Variants in SSBP3 observed in about 807,000 individuals in gnomAD.
SSBP3 encodes single-stranded DNA-binding protein 3.
A neutral mutation model predicts 69.6 loss-of-function variants in SSBP3; 5 were observed. The observed-to-expected ratio is 0.07, with a 90% CI of 0.04 to 0.15. SSBP3 has a LOEUF of 0.15. Among genes scored for constraint, SSBP3 ranks in the 10% least tolerant of loss-of-function variants. SSBP3 has a pLI of 1.00. For missense variants in SSBP3, 312 were observed against 534.0 expected, an observed-to-expected ratio of 0.58 and a Z score of 4.10; for synonymous variants, 196 against 193.4, an observed-to-expected ratio of 1.01 and a Z score of -0.11.
intron 5 of SSBP3, among the ~76,000 whole-genome samples, chr1:54,262,339 C>G (rs915257222): frequency 6.6e-6 from 1 of 152,190 alleles, no homozygotes; most frequent in African/African-American, 2.4e-5. Context: ...ATGTCTGATT[C>G]TAGAGTCTAA....
chr1:54,327,242 AAGGAAG>A (rs1646324574), intron 4 of SSBP3, among the ~76,000 whole-genome samples: 2 of 151,152 alleles, frequency 1.3e-5, no homozygotes, highest in African/African-American at 4.9e-5. Flanking sequence ...GGAAGGAAGG[AAGGAAG>A]GAAGGAAGGA....
At chr1:54,371,141 A>G (rs555610982) in intron 4 of SSBP3, among the ~76,000 whole-genome samples, 1 of 152,330 alleles carries the variant, frequency 6.6e-6, no homozygotes, top group South Asian at 2.1e-4. Context: ...AGCTACAGAC[A>G]CTTGTTCCAC....
chr1:54,343,949 G>GA (rs1180727586), intron 4 of SSBP3, among the ~76,000 whole-genome samples: 3 of 152,166 alleles, frequency 2.0e-5, no homozygotes, highest in Admixed American at 1.3e-4. Context: ...TGCAACTCAA[G>GA]AAACTGAGGA....
At chr1:54,347,547 G>T (rs1411726929) in intron 4 of SSBP3, among the ~76,000 whole-genome samples, 1 of 152,136 alleles carries the variant, frequency 6.6e-6, no homozygotes, top group Non-Finnish European at 1.5e-5. Context: ...TTTGATTACT[G>T]AATCCGCAAA....
At position 54,240,067 on chromosome 1, in the gene SSBP3, TGTGTGTGTGTGTGTGTGTGTGCGCGC is replaced by T. The variant is rs1557448340; in HGVS notation, c.856+812_856+837del. On this transcript the variant is annotated intron_variant, in intron 13 of 17. Transcript: ENST00000610401. ...GATGGGGTGTGTGTGTGTGTGTGTG[TGTGTGTGTGTGTGTGTGTGTGCGCGC>T]GCGCGCGTGTGCGTGCGCGCGCGCG... 1.7e-3 allele frequency among the ~76,000 whole-genome samples: 50 copies of T among 29,114 alleles called. 1 individual carries two copies. Among genetic ancestry groups the T allele is most frequent in the African/African-American group, 4.3e-3 (33 of 7,604 alleles). 19.1% of individuals were successfully genotyped at this position (29,114 alleles called of 152,430 possible).
intron 4 of SSBP3, among the ~76,000 whole-genome samples, chr1:54,391,687 C>G (rs905024170): frequency 1.3e-5 from 2 of 152,206 alleles, no homozygotes; most frequent in Non-Finnish European, 2.9e-5. Flanking sequence ...GCGCTTCACC[C>G]AAACACACAA....
At chr1:54,254,984 C>G (rs1316610887) in intron 7 of SSBP3, among the ~76,000 whole-genome samples, 1 of 152,148 alleles carries the variant, frequency 6.6e-6, no homozygotes, top group East Asian at 1.9e-4. Context: ...AGGCACACGC[C>G]AGCATGCCTG....
At chr1:54,293,165 T>G (rs1168882681) in intron 4 of SSBP3, among the ~76,000 whole-genome samples, 1 of 151,782 alleles carries the variant, frequency 6.6e-6, no homozygotes, top group Non-Finnish European at 1.5e-5. Context: ...TCACTACAGA[T>G]TATTTGTTGG....
At chr1:54,360,752 G>C (rs778168424) in intron 4 of SSBP3, among the ~76,000 whole-genome samples, 1 of 152,132 alleles carries the variant, frequency 6.6e-6, no homozygotes, top group Non-Finnish European at 1.5e-5. Flanking sequence ...TGCAAAATGG[G>C]GGACCATGCC....
intron 5 of SSBP3, among the ~76,000 whole-genome samples, chr1:54,275,764 T>C (rs1218966100): frequency 6.6e-6 from 1 of 152,162 alleles, no homozygotes; most frequent in African/African-American, 2.4e-5. Context: ...GGACTTGGAA[T>C]GTGGGGCTGA....
intron 4 of SSBP3, among the ~76,000 whole-genome samples, chr1:54,372,093 G>A (rs1049429837): frequency 2.0e-5 from 3 of 152,202 alleles, no homozygotes; most frequent in African/African-American, 7.2e-5. Context: ...GGCAGGCTAG[G>A]CATGTGCCTG....
chr1:54,314,495 G>A (rs926455923), intron 4 of SSBP3, among the ~76,000 whole-genome samples: 1 of 152,188 alleles, frequency 6.6e-6, no homozygotes, highest in South Asian at 2.1e-4. Flanking sequence ...ACCAACATTG[G>A]TGGGGACAGC....
intron 10 of SSBP3, chr1:54,243,000 A>C: frequency 3.8e-6 from 2 of 520,998 alleles, no homozygotes; most frequent in Non-Finnish European, 6.8e-6. Flanking sequence ...GGTAATCATG[A>C]AGATGAGGTG....
chr1:54,369,838 G>C (rs538872772), intron 4 of SSBP3, among the ~76,000 whole-genome samples: 2 of 151,166 alleles, frequency 1.3e-5, no homozygotes, highest in Admixed American at 6.6e-5. Context: ...CCCAAGATTA[G>C]TACCCTCGAC....
chr1:54,255,146 ATTG>A (rs1342008609), intron 7 of SSBP3, among the ~76,000 whole-genome samples: 1 of 22,696 alleles, frequency 4.4e-5, no homozygotes, highest in East Asian at 1.3e-3. Flanking sequence ...GTAGATTTCT[ATTG>A]CGGGGGGGCG....
chr1:54,394,695 CTTTTTTTTTTTTTTTT>C (rs544898836), intron 4 of SSBP3, among the ~76,000 whole-genome samples: 197 of 97,170 alleles, frequency 2.0e-3, no homozygotes, highest in African/African-American at 8.3e-3. Flanking sequence ...CTTAAGACTC[CTTTTTTTTTTTTTTTT>C]TTTTTTTTTG....
In SSBP3 at chr1:54,369,419, A is replaced by T. The variant is rs1237306609; in HGVS notation, c.276+32442T>A. Reference sequence around the variant, plus strand: ...TGTGCAGCTAGGTGGATGGATAAAAAGGCATCTTGAAAACCAAGGTCAAGA... The same window carrying T: ...TGTGCAGCTAGGTGGATGGATAAAATGGCATCTTGAAAACCAAGGTCAAGA... On this transcript the variant is annotated intron_variant, in intron 4 of 17. Transcript: ENST00000610401. Among the ~76,000 whole-genome samples, 3 of 152,336 alleles carry T rather than the reference A, an allele frequency of 2.0e-5. No individual in the cohort carries two copies. The East Asian group carries it at 5.8e-4, about 29-fold the overall frequency.
chr1:54,267,630 G>T (rs1260724188), intron 5 of SSBP3, among the ~76,000 whole-genome samples: 1 of 152,202 alleles, frequency 6.6e-6, no homozygotes, highest in African/African-American at 2.4e-5. Flanking sequence ...AGGCCTGGGT[G>T]TGGTTCTAGA....
chr1:54,248,097 C>T (rs373162885), intron 9 of SSBP3, among the ~76,000 whole-genome samples: 4 of 152,170 alleles, frequency 2.6e-5, no homozygotes, highest in Non-Finnish European at 2.9e-5. Flanking sequence ...GCCCTATGAC[C>T]GACCACGCTG....
Sources: allele counts gnomAD v4.1 joint callset (sites outside exome capture counted in the v4.1 genomes callset), GRCh38; gene constraint gnomAD v4.1.1; transcripts MANE v1.5; gene names NCBI Gene and HGNC (gene_info 2026-07-23, HGNC 2026-07-21).